ARHGAP44: variants seen among roughly 807,000 people sequenced by gnomAD.
ARHGAP44 encodes Rho GTPase activating protein 44.
Under a neutral mutation model 106.8 loss-of-function variants are expected in ARHGAP44, and 43 were observed. The observed-to-expected ratio is 0.40, with a 90% confidence interval of 0.32 to 0.52. ARHGAP44 has a LOEUF of 0.52. Ranked by LOEUF, ARHGAP44 falls within the 20% of genes least tolerant of loss-of-function variation. The probability of loss-of-function intolerance (pLI) is 0.48; values close to 1 mark genes in which losing one functional copy is unlikely to be tolerated. For synonymous variants in ARHGAP44, 439 were observed against 410.3 expected, an observed-to-expected ratio of 1.07 and a Z score of -0.85; for missense variants, 866 against 1,050.5, an observed-to-expected ratio of 0.82 and a Z score of 2.43.
intron 1 of ARHGAP44, among the ~76,000 whole-genome samples, chr17:12,822,964 A>G (rs2034814170): frequency 6.6e-6 from 1 of 152,160 alleles, no homozygotes; most frequent in African/African-American, 2.4e-5. Flanking sequence ...CTTTCTTTCT[A>G]TCTTCTTTCA....
chr17:12,952,722 C>CTT lies in ARHGAP44; in HGVS notation c.1136+169_1136+170dup, dbSNP rs201371135. On this transcript the variant is annotated intron_variant, in intron 13 of 20. Coordinates refer to ENST00000379672, the MANE Select transcript of ARHGAP44 (RefSeq NM_014859.6). ...AAGGTATTATTAACATGCATGGTCT[C>CTT]TTTTTTTTTTTTTTTTTTTTTTTTT... is the stretch of plus-strand genomic sequence containing the variant. 2.2e-3 allele frequency: 675 copies of CTT among 307,568 alleles called. 4 individuals are homozygous for CTT. The highest frequency in any genetic ancestry group is 3.5e-3 in the South Asian group (92 of 26,030). The allele number at this position is 307,568 out of a possible 1,614,324, so 19.1% of individuals were successfully genotyped here. A position where few individuals can be genotyped will look rare whatever the true frequency, so the allele number is the denominator to read the frequency against.
chr17:12,828,028 C>CAAAAAAAAAAA (rs60301804), intron 1 of ARHGAP44, among the ~76,000 whole-genome samples: 1 of 73,924 alleles, frequency 1.4e-5, no homozygotes, highest in African/African-American at 4.4e-5. Flanking sequence ...CTGGCCATCT[C>CAAAAAAAAAAA]AAAAAAAAAA....
Position 12,901,607 on chromosome 17 carries a change from A to AAG in ARHGAP44, c.198+5105_198+5106dup, listed in dbSNP as rs563989512. Among the ~76,000 whole-genome samples, 21 of 152,108 alleles carry AAG rather than the reference A, an allele frequency of 1.4e-4. No individual in the cohort carries two copies. The South Asian group carries it at 4.4e-3, about 32-fold the overall frequency. ...ACTGAGTGGATGTGGGCGTATGAAG[A>AAG]AGAGAGAGAGGTCTCATGGTCTCAA... On this transcript the variant is annotated intron_variant, in intron 3 of 20. Transcript: ENST00000379672.
At chr17:12,849,424 CAT>C (rs1429193814) in intron 1 of ARHGAP44, among the ~76,000 whole-genome samples, 1 of 152,126 alleles carries the variant, frequency 6.6e-6, no homozygotes, top group African/African-American at 2.4e-5. Flanking sequence ...CACTCCTTAA[CAT>C]GTGTTTGTAA....
At chr17:12,821,088 C>T (rs999890894) in intron 1 of ARHGAP44, among the ~76,000 whole-genome samples, 6 of 152,074 alleles carry the variant, frequency 3.9e-5, no homozygotes, top group Non-Finnish European at 8.8e-5. Context: ...ACTGATTTGG[C>T]GAATTTATCA....
At chr17:12,902,844 A>C (rs1292936709) in intron 3 of ARHGAP44, among the ~76,000 whole-genome samples, 5 of 152,232 alleles carry the variant, frequency 3.3e-5, no homozygotes, top group Non-Finnish European at 7.3e-5. Flanking sequence ...TTGAGAGGTC[A>C]GTGAGGTAAA....
rs577842376 is a variant in ARHGAP44, at chr17:12,792,454, A to C, written c.53+2563A>C. On this transcript the variant is annotated intron_variant, in intron 1 of 20. Coordinates refer to ENST00000379672, the MANE Select transcript of ARHGAP44 (RefSeq NM_014859.6). ...ATCGGTGTTGATTGCCGAGATTAAA[A>C]CGGTTTACCCCAGGGTCCGTGAGGG... 9.1e-4 allele frequency among the ~76,000 whole-genome samples: 138 copies of C among 152,284 alleles called. 1 individual carries two copies. The highest frequency in any genetic ancestry group is 1.4e-3 in the Non-Finnish European group (97 of 68,024).
rs950670540 is a variant in ARHGAP44, at chr17:12,891,170, T to C, written c.54-3770T>C. ...ACCTTTAACTCTTTGTTCACAGCAA[T>C]GCAGCCTTTTTCTAGCCTGCTCTTC... On this transcript the variant is annotated intron_variant, in intron 1 of 20. Transcript: ENST00000379672. Among the ~76,000 whole-genome samples, 3 of 152,234 alleles carry C rather than the reference T, an allele frequency of 2.0e-5. No individual in the cohort carries two copies. The East Asian group carries it at 5.8e-4, about 29-fold the overall frequency.
intron 15 of ARHGAP44, among the ~76,000 whole-genome samples, chr17:12,957,224 C>T (rs1316281015): frequency 6.6e-6 from 1 of 152,212 alleles, no homozygotes; most frequent in Non-Finnish European, 1.5e-5. Context: ...TCCCAAAGTG[C>T]TGGGATTACA....
chr17:12,890,208 G>A (rs1224951916), intron 1 of ARHGAP44, among the ~76,000 whole-genome samples: 1 of 152,196 alleles, frequency 6.6e-6, no homozygotes, highest in African/African-American at 2.4e-5. Flanking sequence ...GACTCTCTCT[G>A]TGGTGGTTCC....
intron 1 of ARHGAP44, among the ~76,000 whole-genome samples, chr17:12,816,243 C>T (rs894635669): frequency 1.3e-5 from 2 of 152,152 alleles, no homozygotes; most frequent in Admixed American, 6.5e-5. Context: ...ATGGTTTTCT[C>T]TGCTCCTCAG....
At chr17:12,813,430 A>G (rs2034497345) in intron 1 of ARHGAP44, among the ~76,000 whole-genome samples, 1 of 152,192 alleles carries the variant, frequency 6.6e-6, no homozygotes, top group Admixed American at 6.5e-5. Context: ...ATAGACATGA[A>G]AAGTTAAAAC....
chr17:12,943,411 T>C (rs900030203), intron 8 of ARHGAP44, among the ~76,000 whole-genome samples, 177 bp from the exon 9 acceptor site: 1 of 152,194 alleles, frequency 6.6e-6, no homozygotes, highest in African/African-American at 2.4e-5. Context: ...GTAGTGACTT[T>C]GTTGTTATGG....
intron 1 of ARHGAP44, among the ~76,000 whole-genome samples, chr17:12,799,357 C>A (rs761694662): frequency 2.6e-5 from 4 of 152,312 alleles, no homozygotes; most frequent in Non-Finnish European, 4.4e-5. Flanking sequence ...GTCAGGAGGA[C>A]TCCCATGGAC....
intron 1 of ARHGAP44, 54 bp downstream of exon 1, chr17:12,789,945 A>G (rs979343785): frequency 2.8e-6 from 4 of 1,448,840 alleles, no homozygotes; most frequent in Non-Finnish European, 3.7e-6. Context: ...CTGCATCCGC[A>G]GGGGCGCGCA....
At chr17:12,804,705 C>T (rs1193704330) in intron 1 of ARHGAP44, among the ~76,000 whole-genome samples, 4 of 152,192 alleles carry the variant, frequency 2.6e-5, no homozygotes, top group Admixed American at 2.0e-4. Flanking sequence ...TATTGCCTCT[C>T]CTTTCCATTT....
chr17:12,977,771 A>G (rs1385369311), intron 18 of ARHGAP44, among the ~76,000 whole-genome samples: 1 of 152,072 alleles, frequency 6.6e-6, no homozygotes, highest in African/African-American at 2.4e-5. Flanking sequence ...CGGGCGTGGT[A>G]GCTCACGCCT....
At chr17:12,842,920 C>T (rs898916617) in intron 1 of ARHGAP44, among the ~76,000 whole-genome samples, 19 of 152,214 alleles carry the variant, frequency 1.2e-4, no homozygotes, top group Admixed American at 1.1e-3. Flanking sequence ...CTCCTGGTCA[C>T]TCCTGTCACC....
intron 1 of ARHGAP44, among the ~76,000 whole-genome samples, chr17:12,809,626 A>C (rs2150777215): frequency 6.6e-6 from 1 of 152,300 alleles, no homozygotes; most frequent in East Asian, 1.9e-4. Context: ...TGGGAGCTAC[A>C]ATCCAAGATG....
Sources: allele counts gnomAD v4.1 joint callset (sites outside exome capture counted in the v4.1 genomes callset), GRCh38; gene constraint gnomAD v4.1.1; transcripts MANE v1.5; gene names NCBI Gene and HGNC (gene_info 2026-07-23, HGNC 2026-07-21).